Variants in PRKG1 observed in about 807,000 individuals in gnomAD.
The protein encoded by PRKG1 is cGMP-dependent protein kinase 1.
A neutral mutation model predicts 88.1 loss-of-function variants in PRKG1; 35 were observed. That is an observed-to-expected ratio of 0.40 (90% confidence interval 0.30 to 0.53). The LOEUF (loss-of-function observed/expected upper bound fraction) is 0.53. Among genes scored for constraint, PRKG1 ranks in the 20% least tolerant of loss-of-function variants. PRKG1 has a pLI of 0.59. For missense variants in PRKG1, 540 were observed against 839.8 expected (o/e 0.64, Z 4.41); for synonymous variants, 303 against 292.5 (o/e 1.04, Z -0.37).
intron 2 of PRKG1, among the ~76,000 whole-genome samples, chr10:51,450,294 A>C: frequency 6.6e-6 from 1 of 152,130 alleles, no homozygotes; most frequent in Middle Eastern, 3.4e-3. Context: ...TTTCCATTTA[A>C]GAAGTATATC....
chr10:51,699,330 T>G, intron 3 of PRKG1: 1 of 1,614,186 alleles, frequency 6.2e-7, no homozygotes, highest in Non-Finnish European at 8.5e-7. Flanking sequence ...AGGTTCCGCA[T>G]GGCACTAAGC....
intron 2 of PRKG1, among the ~76,000 whole-genome samples, chr10:51,343,862 T>A (rs978148303): frequency 1.3e-5 from 2 of 152,320 alleles, no homozygotes; most frequent in Admixed American, 1.3e-4. Flanking sequence ...GCCCCTCATA[T>A]GTAGCTAAAA....
intron 2 of PRKG1, among the ~76,000 whole-genome samples, chr10:51,209,237 G>A (rs1333669146): frequency 6.6e-6 from 1 of 152,138 alleles, no homozygotes; most frequent in Non-Finnish European, 1.5e-5. Flanking sequence ...GTGCAGAAAT[G>A]TATTCCTTTA....
intron 1 of PRKG1, among the ~76,000 whole-genome samples, chr10:51,141,642 G>T (rs1779759519): frequency 6.6e-6 from 1 of 152,114 alleles, no homozygotes; most frequent in African/African-American, 2.4e-5. Flanking sequence ...TATGGTACAT[G>T]ATAAATAGTG....
At chr10:51,809,303 A>G (rs2132620174) in intron 4 of PRKG1, among the ~76,000 whole-genome samples, 1 of 151,032 alleles carries the variant, frequency 6.6e-6, no homozygotes, top group African/African-American at 2.4e-5. Flanking sequence ...AAAAAAAGGT[A>G]TTCAAAGGGC....
At chr10:51,091,701 T>A (rs1332672125) in intron 1 of PRKG1, among the ~76,000 whole-genome samples, 9 of 152,176 alleles carry the variant, frequency 5.9e-5, no homozygotes, top group African/African-American at 2.2e-4. Flanking sequence ...GTATTAATGA[T>A]CTGATTAGCA....
At chr10:51,724,560 T>G (rs1342251454) in intron 3 of PRKG1, among the ~76,000 whole-genome samples, 1 of 152,244 alleles carries the variant, frequency 6.6e-6, no homozygotes, top group East Asian at 1.9e-4. Context: ...TGATGATTAT[T>G]ATTCTTTAAA....
At chr10:51,640,984 A>G (rs756058262) in intron 3 of PRKG1, among the ~76,000 whole-genome samples, 7 of 152,170 alleles carry the variant, frequency 4.6e-5, no homozygotes, top group Non-Finnish European at 8.8e-5. Context: ...CTATACTGTC[A>G]CATTAGGCAA....
chr10:51,723,208 GACTTGGAATCA>G (rs1269976496), intron 3 of PRKG1, among the ~76,000 whole-genome samples: 1 of 152,120 alleles, frequency 6.6e-6, no homozygotes, highest in Non-Finnish European at 1.5e-5. Context: ...CAATAAGAAA[GACTTGGAATCA>G]ACCCAAATGC....
At chr10:51,623,733 C>T (rs1162721787) in intron 3 of PRKG1, among the ~76,000 whole-genome samples, 1 of 152,088 alleles carries the variant, frequency 6.6e-6, no homozygotes, top group Non-Finnish European at 1.5e-5. Context: ...TTGGTCTTGT[C>T]TAAGTTGATT....
intron 9 of PRKG1, among the ~76,000 whole-genome samples, chr10:52,249,350 C>G (rs915063770): frequency 6.6e-6 from 1 of 151,610 alleles, no homozygotes; most frequent in Non-Finnish European, 1.5e-5. Context: ...AGATATAGAA[C>G]TATAGGTTTT....
At chr10:51,173,871 A>G (rs1162713078) in intron 2 of PRKG1, among the ~76,000 whole-genome samples, 2 of 151,868 alleles carry the variant, frequency 1.3e-5, no homozygotes, top group Non-Finnish European at 2.9e-5. Flanking sequence ...ACCTTTTACT[A>G]TTGAGAGTGT....
intron 3 of PRKG1, among the ~76,000 whole-genome samples, chr10:51,713,598 G>A (rs1207993876): frequency 6.6e-6 from 1 of 152,148 alleles, no homozygotes; most frequent in African/African-American, 2.4e-5. Context: ...TGTGGAATAA[G>A]ATATATATGA....
chr10:51,734,522 GT>G (rs1467913734), intron 3 of PRKG1, among the ~76,000 whole-genome samples: 1 of 152,172 alleles, frequency 6.6e-6, no homozygotes, highest in Non-Finnish European at 1.5e-5. Flanking sequence ...TGAGATCAGT[GT>G]AACGCTGCCC....
chr10:52,269,046 T>C (rs559474586), intron 10 of PRKG1, among the ~76,000 whole-genome samples: 16 of 151,560 alleles, frequency 1.1e-4, no homozygotes, highest in African/African-American at 3.6e-4. Context: ...TCTTTCCTCC[T>C]ACCCTGTGTA....
chr10:51,412,789 G>A (rs1838131898), intron 2 of PRKG1, among the ~76,000 whole-genome samples: 1 of 152,156 alleles, frequency 6.6e-6, no homozygotes, highest in Admixed American at 6.6e-5. Context: ...TGTCTGGTGT[G>A]TCCCAGTTCC....
chr10:51,947,404 C>A (rs1175333539), intron 5 of PRKG1, among the ~76,000 whole-genome samples: 1 of 152,150 alleles, frequency 6.6e-6, no homozygotes, highest in South Asian at 2.1e-4. Flanking sequence ...CTGCCTGACC[C>A]CTTGCACTTC....
intron 3 of PRKG1, among the ~76,000 whole-genome samples, chr10:51,668,098 G>A (rs923988741): frequency 6.6e-6 from 1 of 152,120 alleles, no homozygotes; most frequent in African/African-American, 2.4e-5. Context: ...TATTGGGAGA[G>A]AAGAACATTG....
chr10:51,426,901 C>CT (rs547606717), intron 2 of PRKG1, among the ~76,000 whole-genome samples: 52 of 152,018 alleles, frequency 3.4e-4, no homozygotes, highest in African/African-American at 1.1e-3. Flanking sequence ...ATATGACTTT[C>CT]TTTTTTTTGA....
Sources: allele counts gnomAD v4.1 joint callset (sites outside exome capture counted in the v4.1 genomes callset), GRCh38; gene constraint gnomAD v4.1.1; transcripts MANE v1.5; gene names NCBI Gene and HGNC (gene_info 2026-07-23, HGNC 2026-07-21).